The following FANCC variants were observed in gnomAD, a reference collection of about 807,000 sequenced individuals.
FANCC encodes the protein Fanconi anemia group C protein.
Under a neutral mutation model 71.3 loss-of-function variants are expected in FANCC, and 55 were observed. The observed-to-expected ratio is 0.77, with a 90% confidence interval of 0.62 to 0.97. FANCC has a LOEUF of 0.97. FANCC is among the 50% of genes least tolerant of loss of function. The pLI, the probability that FANCC is intolerant of heterozygous loss-of-function variation, is 0.00. For missense variants in FANCC, 678 were observed against 670.9 expected (o/e 1.01, Z -0.12); for synonymous variants, 275 against 244.9 (o/e 1.12, Z -1.15).
chr9:95,159,240 T>G (rs1246703129), intron 6 of FANCC, among the ~76,000 whole-genome samples: 1 of 152,198 alleles, frequency 6.6e-6, no homozygotes, highest in East Asian at 1.9e-4. Flanking sequence ...TGTCCAAGTG[T>G]TCTCATTGTT....
At chr9:95,103,584 C>T (rs1297741398) in intron 14 of FANCC, among the ~76,000 whole-genome samples, 1 of 152,198 alleles carries the variant, frequency 6.6e-6, no homozygotes, top group East Asian at 1.9e-4. Flanking sequence ...AGCAAGTGGA[C>T]GGCTGGGGCA....
At chr9:95,121,900 C>T (rs928993288) in intron 10 of FANCC, among the ~76,000 whole-genome samples, 2 of 151,466 alleles carry the variant, frequency 1.3e-5, no homozygotes, top group African/African-American at 2.4e-5. Context: ...CTCTGTCGCC[C>T]AGGCTGGAGT....
At chr9:95,199,673 A>G (rs912668531) in intron 4 of FANCC, among the ~76,000 whole-genome samples, 1 of 152,174 alleles carries the variant, frequency 6.6e-6, no homozygotes, top group African/African-American at 2.4e-5. Context: ...GGGTGGGGGA[A>G]CAGAGAAAAA....
At chr9:95,209,522 C>T (rs941790437) in intron 4 of FANCC, among the ~76,000 whole-genome samples, 2 of 152,146 alleles carry the variant, frequency 1.3e-5, no homozygotes, top group Admixed American at 1.3e-4. Flanking sequence ...CTCAATTTTG[C>T]TGCAAACCTA....
At position 95,268,846 on chromosome 9, in the gene FANCC, T is replaced by C. The variant is rs80243801; in HGVS notation, c.-78-19477A>G. On this transcript the variant is annotated intron_variant, in intron 1 of 14. Transcript: ENST00000289081. ...AGCCATGTGATGCCCTCCAGGTGTG[T>C]GCCTGGCAGCTATGAAAGGGGACTG... 3.1e-4 allele frequency among the ~76,000 whole-genome samples: 47 copies of C among 152,264 alleles called. No homozygotes were observed. In the East Asian group the frequency reaches 8.7e-3, roughly 28 times the overall value.
At chr9:95,265,909 T>TG (rs1832355849) in intron 1 of FANCC, among the ~76,000 whole-genome samples, 1 of 151,886 alleles carries the variant, frequency 6.6e-6, no homozygotes, top group Non-Finnish European at 1.5e-5. Context: ...GATTACACTG[T>TG]GGGAAGGGCT....
intron 9 of FANCC, 92 bp from the exon 10 acceptor site, chr9:95,125,277 T>A (rs1175282627): frequency 2.0e-6 from 2 of 994,524 alleles, no homozygotes; most frequent in Non-Finnish European, 3.2e-6. Context: ...TAGAAACACT[T>A]TTTTTGTGCC....
At chr9:95,160,707 G>A (rs1461418820) in intron 6 of FANCC, among the ~76,000 whole-genome samples, 1 of 152,142 alleles carries the variant, frequency 6.6e-6, no homozygotes, top group Non-Finnish European at 1.5e-5. Flanking sequence ...ATTTCCTTGA[G>A]CAGTGGTTTG....
At chr9:95,211,229 G>A (rs1237740816) in intron 4 of FANCC, among the ~76,000 whole-genome samples, 1 of 152,194 alleles carries the variant, frequency 6.6e-6, no homozygotes, top group East Asian at 1.9e-4. Flanking sequence ...AATCAGGGCT[G>A]GAGAGCCATC....
At chr9:95,135,279 G>C in intron 8 of FANCC, 67 bp downstream of exon 8, 2 of 1,487,130 alleles carry the variant, frequency 1.3e-6, no homozygotes, top group Non-Finnish European at 1.9e-6. Context: ...TTCATTCTCT[G>C]ACTAAAAGAA....
chr9:95,171,057 G>T (rs994474127), intron 6 of FANCC, 22 bp downstream of exon 6: 1 of 1,591,280 alleles, frequency 6.3e-7, no homozygotes, highest in Non-Finnish European at 8.6e-7. Flanking sequence ...CTGAGAAGAA[G>T]GATGTTTAGT....
chr9:95,310,063 G>A (rs1221851763), intron 1 of FANCC, among the ~76,000 whole-genome samples: 1 of 151,902 alleles, frequency 6.6e-6, no homozygotes, highest in African/African-American at 2.4e-5. Context: ...AGCAAAACCA[G>A]CTAAAACAAT....
At chr9:95,284,397 T>A (rs1363528272) in intron 1 of FANCC, among the ~76,000 whole-genome samples, 2 of 152,240 alleles carry the variant, frequency 1.3e-5, no homozygotes. Context: ...ATGAGTTGTA[T>A]AAACACTAGT....
At chr9:95,180,959 G>A (rs1023176857) in intron 4 of FANCC, among the ~76,000 whole-genome samples, 2 of 151,938 alleles carry the variant, frequency 1.3e-5, no homozygotes, top group Admixed American at 6.6e-5. Flanking sequence ...GTCATTATAA[G>A]GCACATGACT....
intron 4 of FANCC, among the ~76,000 whole-genome samples, chr9:95,234,296 T>C (rs1177571223): frequency 2.6e-5 from 4 of 152,244 alleles, no homozygotes; most frequent in Non-Finnish European, 4.4e-5. Flanking sequence ...ATATATTCAT[T>C]AATTTATTCA....
intron 13 of FANCC, among the ~76,000 whole-genome samples, chr9:95,108,909 C>CT (rs59777183): frequency 7.6e-4 from 110 of 144,332 alleles, no homozygotes; most frequent in South Asian, 6.8e-3. Flanking sequence ...TCTTCAAGAC[C>CT]TTTTTTTTTT....
intron 4 of FANCC, among the ~76,000 whole-genome samples, chr9:95,187,143 G>A (rs1183903375): frequency 6.6e-6 from 1 of 152,190 alleles, no homozygotes; most frequent in Admixed American, 6.5e-5. Flanking sequence ...TGATAAAACT[G>A]ACTTTGAGGA....
At chr9:95,294,745 G>T (rs1239213414) in intron 1 of FANCC, 3 of 1,600,328 alleles carry the variant, frequency 1.9e-6, no homozygotes, top group South Asian at 2.3e-5. Flanking sequence ...GAACATGATG[G>T]AGTCTCAGTT....
rs1020133869 is a variant in FANCC, at chr9:95,172,138, A to G, written c.355T>C (p.Ser119Pro). Residue 119 changes from serine (S) to proline (P), a missense_variant, in exon 5 of 15, where the codon TCT (serine) becomes CCT (proline). By Grantham distance (74) the Ser-to-Pro change is moderately conservative. Transcript: ENST00000289081. ...KLNSWIQGVLSHILSALRFDK... is the reference protein window; with the variant it reads ...KLNSWIQGVLPHILSALRFDK... ...AATCTGAGTGCTGAAAGTATATGAG[A>G]TAATACACCCTAAAAAACATAAACA... is the stretch of plus-strand genomic sequence containing the variant. The G allele has an allele frequency of 1.2e-6, 2 of 1,605,262 alleles. No individual in the cohort carries two copies. Among genetic ancestry groups the G allele is most frequent in the African/African-American group, 1.3e-5 (1 of 74,700 alleles).
Sources: allele counts gnomAD v4.1 joint callset (sites outside exome capture counted in the v4.1 genomes callset), GRCh38; gene constraint gnomAD v4.1.1; transcripts MANE v1.5; gene names NCBI Gene and HGNC (gene_info 2026-07-23, HGNC 2026-07-21).